Variants in NUBPL observed in about 807,000 individuals in gnomAD.
NUBPL encodes the protein NUBP iron-sulfur cluster assembly factor, mitochondrial.
In NUBPL, 31 loss-of-function variants were observed where a neutral mutation model predicts 45.7. The ratio of observed to expected loss-of-function variants is 0.68; its 90% CI spans 0.51 to 0.92. The LOEUF is 0.92. NUBPL is among the 40% of genes least tolerant of loss of function. The pLI, the probability that NUBPL is intolerant of heterozygous loss-of-function variation, is 0.00. For synonymous variants in NUBPL, 144 were observed against 140.9 expected (o/e 1.02, Z -0.15); for missense variants, 401 against 398.7 (o/e 1.01, Z -0.05).
intron 7 of NUBPL, among the ~76,000 whole-genome samples, chr14:31,805,661 A>G (rs1206709405): frequency 6.6e-6 from 1 of 152,124 alleles, no homozygotes; most frequent in South Asian, 2.1e-4. Flanking sequence ...ATGCAGGAAT[A>G]AAAAAACACC....
At position 31,561,474 on chromosome 14, in the gene NUBPL, G is replaced by A. The variant is rs1198887263; in HGVS notation, c.35G>A (p.Gly12Glu). 1 of 1,416,832 alleles carries A rather than the reference G, an allele frequency of 7.1e-7. No homozygotes were observed. The highest frequency in any genetic ancestry group is 9.3e-7 in the Non-Finnish European group (1 of 1,076,098). The allele number at this position is 1,416,832 out of a possible 1,614,324, so 87.8% of individuals were successfully genotyped here. Residue 12 changes from glycine (G) to glutamate (E), a missense_variant, in exon 1 of 11, where the codon GGG becomes GAG. Coordinates refer to ENST00000281081, the MANE Select transcript of NUBPL (RefSeq NM_025152.3). ...TGGCAGCGTCTGCTGCTTTTTGGTG[G>A]GGTGTCGCTCCGGGCTGGTGGCGGG... ...GIWQRLLLFG[G>E]VSLRAGGGAT...
chr14:31,754,702 T>A (rs898759272), intron 6 of NUBPL, among the ~76,000 whole-genome samples: 53 of 151,646 alleles, frequency 3.5e-4, no homozygotes, highest in Non-Finnish European at 2.2e-4. Flanking sequence ...AAAAATTTTT[T>A]TTATTATTAT....
intron 4 of NUBPL, among the ~76,000 whole-genome samples, chr14:31,669,284 A>G (rs961470476): frequency 3.3e-5 from 5 of 152,210 alleles, no homozygotes; most frequent in African/African-American, 1.2e-4. Flanking sequence ...AATCACTTCA[A>G]ACATTATTTC....
At chr14:31,785,874 A>G (rs2138812815) in intron 6 of NUBPL, among the ~76,000 whole-genome samples, 1 of 152,298 alleles carries the variant, frequency 6.6e-6, no homozygotes, top group African/African-American at 2.4e-5. Flanking sequence ...AAGTATGATT[A>G]TAGGCCAGGC....
chr14:31,597,813 T>C (rs1315048237), intron 3 of NUBPL, among the ~76,000 whole-genome samples: 2 of 152,054 alleles, frequency 1.3e-5, no homozygotes, highest in South Asian at 2.1e-4. Flanking sequence ...ATGATAGTTA[T>C]AGCATTAGCA....
chr14:31,789,265 G>A (rs999459346), intron 7 of NUBPL, among the ~76,000 whole-genome samples: 1 of 152,166 alleles, frequency 6.6e-6, no homozygotes, highest in African/African-American at 2.4e-5. Context: ...GGCAGAGCTT[G>A]TAGTGAGCTG....
At chr14:31,793,706 A>G (rs901104922) in intron 7 of NUBPL, among the ~76,000 whole-genome samples, 9 of 152,086 alleles carry the variant, frequency 5.9e-5, no homozygotes, top group African/African-American at 1.9e-4. Flanking sequence ...CCTATTTATC[A>G]TAGTATCTTT....
chr14:31,749,614 T>G (rs1237670725), intron 6 of NUBPL, among the ~76,000 whole-genome samples: 1 of 152,190 alleles, frequency 6.6e-6, no homozygotes, highest in African/African-American at 2.4e-5. Context: ...TTCTTTTCCC[T>G]CTGCTTTTCG....
intron 6 of NUBPL, among the ~76,000 whole-genome samples, chr14:31,692,945 C>CT (rs35884059): frequency 5.4e-5 from 8 of 149,392 alleles, no homozygotes; most frequent in South Asian, 2.1e-4. Flanking sequence ...TGACCACATT[C>CT]TTTTTTTTTT....
At chr14:31,830,511 A>G (rs1179156710) in intron 8 of NUBPL, among the ~76,000 whole-genome samples, 2 of 152,166 alleles carry the variant, frequency 1.3e-5, no homozygotes, top group African/African-American at 4.8e-5. Flanking sequence ...GCCATGGCCA[A>G]TTTAGGGAAC....
chr14:31,570,647 C>T (rs902666442), intron 3 of NUBPL, among the ~76,000 whole-genome samples: 3 of 152,188 alleles, frequency 2.0e-5, no homozygotes, highest in African/African-American at 7.2e-5. Flanking sequence ...TTTCCTATCT[C>T]TACAATATTT....
chr14:31,561,725 A>G, intron 1 of NUBPL, 178 bp downstream of exon 1: 1 of 561,526 alleles, frequency 1.8e-6, no homozygotes, highest in East Asian at 3.0e-5. Context: ...CTTGAAACAC[A>G]GTTAGAACGT....
chr14:31,792,643 T>C (rs1345399372), intron 7 of NUBPL, among the ~76,000 whole-genome samples: 1 of 151,950 alleles, frequency 6.6e-6, no homozygotes, highest in East Asian at 1.9e-4. Context: ...TGTATTAATT[T>C]GAATTAATTT....
chr14:31,808,505 A>G (rs1383552717), intron 7 of NUBPL, among the ~76,000 whole-genome samples: 1 of 152,160 alleles, frequency 6.6e-6, no homozygotes, highest in Non-Finnish European at 1.5e-5. Flanking sequence ...TTATCAGCTT[A>G]AGGAGATTTT....
At chr14:31,592,440 AT>A (rs1388716057) in intron 3 of NUBPL, among the ~76,000 whole-genome samples, 1 of 152,158 alleles carries the variant, frequency 6.6e-6, no homozygotes, top group Non-Finnish European at 1.5e-5. Context: ...CTTATGTTTC[AT>A]CTGAATCATT....
At position 31,859,782 on chromosome 14, in the gene NUBPL, T is replaced by C. The variant is rs1192032262; in HGVS notation, c.*602T>C. 2 of 157,570 alleles carry C rather than the reference T, an allele frequency of 1.3e-5. No individual in the cohort carries two copies. Among genetic ancestry groups the C allele is most frequent in the African/African-American group, 4.8e-5 (2 of 41,456 alleles). The allele number at this position is 157,570 out of a possible 1,614,324, so 9.8% of individuals were successfully genotyped here. A position where few individuals can be genotyped will look rare whatever the true frequency, so the allele number is the denominator to read the frequency against. On this transcript the variant is annotated 3_prime_UTR_variant, in exon 11 of 11. Transcript: ENST00000281081. ...CTGGTAATCATGGCAGTAAGAATAA[T>C]AGCTAACATTTAACAAGTTAATTAT...
chr14:31,802,517 C>G (rs1047162241), intron 7 of NUBPL, among the ~76,000 whole-genome samples: 1 of 152,038 alleles, frequency 6.6e-6, no homozygotes, highest in Non-Finnish European at 1.5e-5. Flanking sequence ...ACCTCGTGAT[C>G]CACCCACCTG....
chr14:31,665,485 G>C (rs544322145), intron 4 of NUBPL, among the ~76,000 whole-genome samples: 38 of 152,132 alleles, frequency 2.5e-4, no homozygotes, highest in Non-Finnish European at 5.6e-4. Flanking sequence ...TATTTACCCA[G>C]TAGTAGTCAT....
chr14:31,723,542 A>T (rs1247132887), intron 6 of NUBPL, among the ~76,000 whole-genome samples: 1 of 152,226 alleles, frequency 6.6e-6, no homozygotes, highest in Non-Finnish European at 1.5e-5. Context: ...CAGTATGACC[A>T]TTTAAATGAT....
Sources: gnomAD v4.1 joint callset for allele counts (sites outside exome capture counted in the v4.1 genomes callset) on GRCh38, gnomAD v4.1.1 for gene constraint, MANE v1.5 for transcripts, NCBI Gene and HGNC (gene_info 2026-07-23, HGNC 2026-07-21) for gene names.